Variants in ZNF682 observed in about 807,000 individuals in gnomAD.
The protein encoded by ZNF682 is zinc finger protein 682.
A neutral mutation model predicts 36.5 loss-of-function variants in ZNF682; 29 were observed. The ratio of observed to expected loss-of-function variants is 0.80; its 90% CI spans 0.59 to 1.08. The LOEUF (loss-of-function observed/expected upper bound fraction) is 1.08. Among genes scored for constraint, ZNF682 ranks in the 50% least tolerant of loss-of-function variants. The pLI is 0.00. For missense variants in ZNF682, 561 were observed against 579.7 expected (o/e 0.97, Z 0.33); for synonymous variants, 180 against 197.0 (o/e 0.91, Z 0.72).
chr19:20,036,716 C>T (rs7248186), intron 1 of ZNF682, among the ~76,000 whole-genome samples: 117,577 of 150,072 alleles, frequency 0.78, 46,196 homozygotes, highest in Middle Eastern at 0.87. Context: ...CCTGTAATCC[C>T]AGCATTTTGG....
chr19:20,006,647 A>T lies in ZNF682; in HGVS notation c.855T>A (p.Tyr285Ter), dbSNP rs750230757. 1.4e-5 allele frequency: 22 copies of T among 1,613,830 alleles called. No homozygotes were observed. The highest frequency in any genetic ancestry group is 1.9e-5 in the Non-Finnish European group (22 of 1,179,992). Residue 285 changes from tyrosine to a stop codon, truncating the protein, a stop_gained, in exon 4 of 4, where the codon TAT (tyrosine) becomes TAA (stop). Transcript: ENST00000397165. LOFTEE classifies it high-confidence loss of function. ...ACGCTCTGCCACAGTCTTCACATGT[A>T]TAGGGTTTTTCTCCTGTATGAATTT... ...HKKIHTGEKPYTCEDCGRAFN... is the reference protein window; with the variant it reads ...HKKIHTGEKP
downstream of ZNF682, among the ~76,000 whole-genome samples, chr19:19,996,720 T>C (rs1163639165): frequency 1.3e-5 from 2 of 152,150 alleles, no homozygotes; most frequent in Non-Finnish European, 2.9e-5. Context: ...CACTGGGTAG[T>C]GTTTACTGCT....
rs976582808 is a variant in ZNF682, at chr19:20,017,707, C to T, written c.226+5297G>A. On this transcript the variant is annotated intron_variant, in intron 3 of 3. Transcript: ENST00000397165. The stretch of plus-strand genomic sequence containing the variant: ...CTTAAAACATTACAGACCAATTAGA[C>T]CTAAGAGACACATACAGAACGTTCC... Among the ~76,000 whole-genome samples the T allele has an allele frequency of 2.6e-5, 4 of 152,038 alleles. No homozygotes were observed. The South Asian group carries it at 8.3e-4, about 32-fold the overall frequency.
At chr19:19,997,212 G>A (rs1181729473) in exon 4 of ZNF682, 2 of 398,616 alleles carry the variant, frequency 5.0e-6, no homozygotes, top group Middle Eastern at 6.2e-4. Context: ...TCATCTCCAG[G>A]TCAGTTTCAA....
At chr19:20,011,770 G>A (rs1018760382) in intron 3 of ZNF682, among the ~76,000 whole-genome samples, 3 of 152,206 alleles carry the variant, frequency 2.0e-5, no homozygotes, top group African/African-American at 7.2e-5. Context: ...AGGCGTGGTG[G>A]CTCATGTCTG....
In ZNF682 at chr19:20,014,614, CAA is replaced by C. The variant is rs55756913; in HGVS notation, c.227-7341_227-7340del. Among the ~76,000 whole-genome samples, 239 of 140,234 alleles carry C rather than the reference CAA, an allele frequency of 1.7e-3. 1 individual carries two copies. The highest frequency in any genetic ancestry group is 7.3e-3 in the Middle Eastern group (2 of 274). The allele number at this position is 140,234 out of a possible 152,430, so 92.0% of individuals were successfully genotyped here. On this transcript the variant is annotated intron_variant, in intron 3 of 3. Transcript: ENST00000397165. ...GTGAAACCTCGTCTCTACTAGAATA[CAA>C]AAAAAAAAAAAAAATTAGCCAGGCG...
chr19:19,998,918 C>A (rs569012992), intron 3 of ZNF682, among the ~76,000 whole-genome samples: 4 of 152,164 alleles, frequency 2.6e-5, no homozygotes, highest in African/African-American at 9.6e-5. Context: ...TATATATAAT[C>A]TTGAGAGTTA....
Position 20,006,126 on chromosome 19 carries a change from C to T in ZNF682, c.1376G>A (p.Gly459Asp), listed in dbSNP as rs779670117. The change falls in exon 4 of 4, where the codon GGC becomes GAC. Residue 459 changes from glycine (G) to aspartate (D), a missense_variant. By Grantham distance (94) the Gly-to-Asp change is moderately conservative (BLOSUM62 -1). Coordinates refer to ENST00000397165, the MANE Select transcript of ZNF682 (RefSeq NM_033196.3). ...ATGTGAGCACCGTTTAAAAGCTTTG[C>T]CACATTCTTCACATTTATAGCGTTT... ...AVKRYKCEECGKAFKRCSHLN... is the reference protein window; with the variant it reads ...AVKRYKCEECDKAFKRCSHLN... 3 of 1,613,072 alleles carry T rather than the reference C, an allele frequency of 1.9e-6. No individual in the cohort carries two copies. In the South Asian group the frequency reaches 3.3e-5, roughly 18 times the overall value.
intron 3 of ZNF682, chr19:20,015,450 T>A (rs1178343315): frequency 1.0e-6 from 1 of 977,814 alleles, no homozygotes; most frequent in Admixed American, 6.1e-5. Flanking sequence ...AATACTGTCA[T>A]ACAAAATTAT....
chr19:20,012,396 A>C (rs1489098014), intron 3 of ZNF682, among the ~76,000 whole-genome samples: 1 of 152,240 alleles, frequency 6.6e-6, no homozygotes, highest in Admixed American at 6.5e-5. Context: ...CTATCAATAG[A>C]CTAAACAGAC....
downstream of ZNF682, among the ~76,000 whole-genome samples, chr19:19,999,539 C>CT (rs1008498446): frequency 1.7e-3 from 256 of 146,454 alleles, no homozygotes; most frequent in Middle Eastern, 0.011. Flanking sequence ...TCTTTTCTTT[C>CT]TTTTTTTTTT....
intron 1 of ZNF682, among the ~76,000 whole-genome samples, chr19:20,024,739 G>A (rs1412685026): frequency 1.3e-5 from 2 of 152,164 alleles, no homozygotes; most frequent in East Asian, 1.9e-4. Context: ...TTGGGAGGCT[G>A]AGGGAGGAGA....
chr19:20,003,850 T>C (rs530892061), downstream of ZNF682, among the ~76,000 whole-genome samples: 4 of 152,344 alleles, frequency 2.6e-5, no homozygotes, highest in African/African-American at 9.6e-5. Context: ...TAGATTTGCT[T>C]TGAAATTGTT....
intron 3 of ZNF682, among the ~76,000 whole-genome samples, chr19:20,018,156 G>C (rs1029491123): frequency 8.2e-5 from 10 of 121,736 alleles, no homozygotes; most frequent in Non-Finnish European, 1.3e-4. Flanking sequence ...TGCAGTGGCG[G>C]GATCTCGGCT....
chr19:19,995,992 G>A (rs1370757654), downstream of ZNF682, among the ~76,000 whole-genome samples: 1 of 152,168 alleles, frequency 6.6e-6, no homozygotes, highest in Non-Finnish European at 1.5e-5. Flanking sequence ...ACAGGATATG[G>A]GAGGCACAGA....
chr19:20,016,911 T>G (rs1251296331), intron 3 of ZNF682, among the ~76,000 whole-genome samples: 1 of 152,120 alleles, frequency 6.6e-6, no homozygotes, highest in African/African-American at 2.4e-5. Context: ...TGTTAATAGA[T>G]ACGCAATACG....
intron 1 of ZNF682, chr19:20,039,040 C>T: frequency 1.1e-6 from 1 of 949,922 alleles, no homozygotes; most frequent in Non-Finnish European, 1.5e-6. Flanking sequence ...GGACTCTGCC[C>T]TGAGGACGCT....
downstream of ZNF682, among the ~76,000 whole-genome samples, chr19:20,003,757 G>A (rs17617402): frequency 0.43 from 64,999 of 151,654 alleles, 16,791 homozygotes; most frequent in Non-Finnish European, 0.58. Context: ...TACCAGGCAA[G>A]TAAAACCTAG....
chr19:20,009,101 G>A (rs1437225427), intron 3 of ZNF682, among the ~76,000 whole-genome samples: 1 of 152,164 alleles, frequency 6.6e-6, no homozygotes, highest in African/African-American at 2.4e-5. Flanking sequence ...AGATGTGAAA[G>A]CGAAAGAAAG....
Sources: allele counts gnomAD v4.1 joint callset (sites outside exome capture counted in the v4.1 genomes callset), GRCh38; gene constraint gnomAD v4.1.1; transcripts MANE v1.5; gene names NCBI Gene and HGNC (gene_info 2026-07-23, HGNC 2026-07-21).